The following STK32B variants were observed in gnomAD, a reference collection of about 807,000 sequenced individuals.
STK32B encodes serine/threonine-protein kinase 32B.
A neutral mutation model predicts 52.6 loss-of-function variants in STK32B; 43 were observed. The observed-to-expected ratio is 0.82, with a 90% confidence interval of 0.64 to 1.05. STK32B has a LOEUF of 1.05. Ranked by LOEUF, STK32B falls within the 50% of genes least tolerant of loss-of-function variation. STK32B has a pLI of 0.00. For synonymous variants in STK32B, 238 were observed against 204.3 expected (o/e 1.17, Z -1.41); for missense variants, 621 against 534.6 (o/e 1.16, Z -1.59).
At chr4:5,177,437 C>G (rs372739839) in intron 3 of STK32B, among the ~76,000 whole-genome samples, 4 of 152,138 alleles carry the variant, frequency 2.6e-5, no homozygotes, top group Non-Finnish European at 5.9e-5. Context: ...TTACAGTTCA[C>G]GATGCGACTT....
the STK32B span, among the ~76,000 whole-genome samples, chr4:5,028,955 T>A: frequency 6.6e-6 from 1 of 152,202 alleles, no homozygotes; most frequent in Non-Finnish European, 1.5e-5. Flanking sequence ...GCACATCGCA[T>A]GGCCGGAACA....
intron 3 of STK32B, among the ~76,000 whole-genome samples, chr4:5,271,480 G>A (rs376081697): frequency 3.3e-5 from 5 of 151,492 alleles, no homozygotes; most frequent in Admixed American, 2.6e-4. Flanking sequence ...TTGACTTGGC[G>A]ATGCGGGCTC....
At chr4:5,318,099 G>A (rs1235944354) in intron 3 of STK32B, among the ~76,000 whole-genome samples, 1 of 147,294 alleles carries the variant, frequency 6.8e-6, no homozygotes, top group African/African-American at 2.7e-5. Flanking sequence ...GTGTGCTTGT[G>A]CACGTGTGTG....
rs143734395 is a variant in STK32B at position 5,282,946 on chromosome 4, A to G, written c.261-48274A>G. Reference sequence around the variant, plus strand: ...GAAACCACAGAAAGCAAAATCATGGATAAGAGGGAAACTACAGTATACAAT... The same window carrying G: ...GAAACCACAGAAAGCAAAATCATGGGTAAGAGGGAAACTACAGTATACAAT... On this transcript the variant is annotated intron_variant, in intron 3 of 11. Transcript: ENST00000282908. 3.6e-3 allele frequency among the ~76,000 whole-genome samples: 550 copies of G among 152,290 alleles called. 2 individuals are homozygous for G. Among genetic ancestry groups the G allele is most frequent in the African/African-American group, 0.012 (494 of 41,570 alleles).
intron 3 of STK32B, among the ~76,000 whole-genome samples, chr4:5,206,469 A>G (rs1722583735): frequency 6.6e-6 from 1 of 152,158 alleles, no homozygotes. Flanking sequence ...GAGAGATCAC[A>G]GCAATCCCCC....
At chr4:5,205,586 G>A (rs932638181) in intron 3 of STK32B, among the ~76,000 whole-genome samples, 3 of 152,150 alleles carry the variant, frequency 2.0e-5, no homozygotes, top group Non-Finnish European at 4.4e-5. Context: ...TGGCAGATAC[G>A]GTTTTCCATC....
intron 4 of STK32B, among the ~76,000 whole-genome samples, chr4:5,385,211 G>C (rs968970611): frequency 4.6e-5 from 7 of 152,084 alleles, no homozygotes; most frequent in African/African-American, 1.7e-4. Context: ...TTTAGATTAA[G>C]GCAAGAGGGT....
intron 4 of STK32B, among the ~76,000 whole-genome samples, chr4:5,354,931 T>G (rs966442002): frequency 1.3e-5 from 2 of 152,104 alleles, no homozygotes; most frequent in Admixed American, 1.3e-4. Context: ...CAAACCTTAA[T>G]CCGCTGTAGC....
In STK32B at chr4:5,051,711, G is replaced by T; in HGVS notation, c.-153G>T. 2.2e-6 allele frequency: 2 copies of T among 914,468 alleles called. No individual in the cohort carries two copies. Among genetic ancestry groups the T allele is most frequent in the Non-Finnish European group, 3.2e-6 (2 of 631,186 alleles). The allele number at this position is 914,468 out of a possible 1,614,324, so 56.6% of individuals were successfully genotyped here. ...CCAGGAGAAGGGGGACGCCGTCCCC[G>T]CCCCTGCACGGTGCTCGGCCCCCTC... On this transcript the variant is annotated 5_prime_UTR_variant, in exon 1 of 12. Transcript: ENST00000282908.
In STK32B at chr4:5,284,852, T is replaced by C. The variant is rs1328123410; in HGVS notation, c.261-46368T>C. Among the ~76,000 whole-genome samples the C allele has an allele frequency of 2.0e-5, 3 of 152,220 alleles. No homozygotes were observed. In the East Asian group the frequency reaches 5.8e-4, roughly 29 times the overall value. ...TTTTTCATCATGTTTAGTGCAATAC[T>C]GTAAACCTTGAATAACACCATGGAC... is the stretch of plus-strand genomic sequence containing the variant. On this transcript the variant is annotated intron_variant, in intron 3 of 11. Coordinates refer to ENST00000282908, the MANE Select transcript of STK32B (RefSeq NM_018401.3).
chr4:5,140,760 T>A (rs1379971286), intron 2 of STK32B, among the ~76,000 whole-genome samples: 1 of 152,142 alleles, frequency 6.6e-6, no homozygotes, highest in Non-Finnish European at 1.5e-5. Context: ...ACAACCTCCC[T>A]CCCTCCCTCC....
At chr4:5,444,333 C>G (rs1715152624) in intron 6 of STK32B, among the ~76,000 whole-genome samples, 1 of 152,334 alleles carries the variant, frequency 6.6e-6, no homozygotes, top group Admixed American at 6.5e-5. Context: ...GTCGGAAAAG[C>G]GCAGTATTTG....
At chr4:5,055,674 G>A (rs1255706702) in intron 1 of STK32B, among the ~76,000 whole-genome samples, 1 of 152,068 alleles carries the variant, frequency 6.6e-6, no homozygotes, top group Non-Finnish European at 1.5e-5. Flanking sequence ...TGGCTCACCT[G>A]CCTCCTTCCT....
At chr4:5,225,339 G>A (rs866662952) in intron 3 of STK32B, among the ~76,000 whole-genome samples, 93 of 152,034 alleles carry the variant, frequency 6.1e-4, no homozygotes, top group Middle Eastern at 3.4e-3. Flanking sequence ...CCCAGGAGGC[G>A]GAGGTTGCTG....
chr4:5,195,125 G>A (rs1721535877), intron 3 of STK32B, among the ~76,000 whole-genome samples: 1 of 152,116 alleles, frequency 6.6e-6, no homozygotes, highest in Non-Finnish European at 1.5e-5. Flanking sequence ...TCAGGCTGGA[G>A]TGCATTGGCG....
Position 5,446,692 on chromosome 4 carries a change from G to A in STK32B, c.582G>A (p.Val194=), listed in dbSNP as rs774782275. The change falls in exon 7 of 12, where the codon GTG becomes GTA. Residue 194 remains valine, a synonymous_variant. Coordinates refer to ENST00000282908, the MANE Select transcript of STK32B (RefSeq NM_018401.3). ...KPYMAPEVFQ[V]YMDRGPGYSY... is the part of the protein sequence containing the mutation. ...TGGCAGCTCCAGAAGTATTCCAGGT[G>A]TACATGGACAGAGGCCCCGGATACT... The A allele has an allele frequency of 2.5e-5, 41 of 1,613,944 alleles. No individual in the cohort carries two copies. The highest frequency in any genetic ancestry group is 8.8e-5 in the South Asian group (8 of 91,072).
intron 1 of STK32B, among the ~76,000 whole-genome samples, chr4:5,080,735 C>G (rs904688708): frequency 1.3e-5 from 2 of 151,994 alleles, no homozygotes; most frequent in Admixed American, 6.6e-5. Flanking sequence ...AAATGATTAT[C>G]ATAATCATAT....
intron 1 of STK32B, 90 bp from the exon 2 acceptor site, chr4:5,139,815 T>C: frequency 2.7e-6 from 4 of 1,466,148 alleles, no homozygotes; most frequent in Non-Finnish European, 3.8e-6. Context: ...GCCTTTGGAA[T>C]AGGTGGGTAG....
chr4:5,173,943 C>G (rs892195289), intron 3 of STK32B, among the ~76,000 whole-genome samples: 2 of 152,120 alleles, frequency 1.3e-5, no homozygotes, highest in Non-Finnish European at 2.9e-5. Context: ...GAGTCTAAGT[C>G]TCTTTGTAGG....
Sources: gnomAD v4.1 joint callset for allele counts (sites outside exome capture counted in the v4.1 genomes callset) on GRCh38, gnomAD v4.1.1 for gene constraint, MANE v1.5 for transcripts, NCBI Gene and HGNC (gene_info 2026-07-23, HGNC 2026-07-21) for gene names.